SLC60A2: variants seen among roughly 807,000 people sequenced by gnomAD.
SLC60A2 encodes the protein major facilitator superfamily domain containing 4B.
the SLC60A2 span, chr6:111,265,267 GAAAA>G: frequency 5.1e-6 from 5 of 975,728 alleles, no homozygotes; most frequent in Non-Finnish European, 6.1e-6. Context: ...AATATCTGTT[GAAAA>G]AAAAGAAGAT....
At chr6:111,263,691 T>A in the SLC60A2 span, 2 of 542,724 alleles carry the variant, frequency 3.7e-6, no homozygotes, top group Non-Finnish European at 6.6e-6. Context: ...AAATAATCAC[T>A]TTTAGAAGCA....
chr6:111,277,973 C>G, the SLC60A2 span: 5 of 152,154 alleles, frequency 3.3e-5, no homozygotes, highest in Admixed American at 3.3e-4. Context: ...GTTCTCATTT[C>G]TCAGCTCTTT....
chr6:111,267,091 A>G, the SLC60A2 span: 7 of 1,611,920 alleles, frequency 4.3e-6, no homozygotes, highest in Non-Finnish European at 5.9e-6. Flanking sequence ...CACTTGCCAG[A>G]AACCAGGACA....
At chr6:111,266,339 T>TG in the SLC60A2 span, 6 of 1,614,134 alleles carry the variant, frequency 3.7e-6, no homozygotes, top group East Asian at 1.1e-4. Flanking sequence ...CAACCACCCA[T>TG]GCTGGCATGA....
At chr6:111,271,017 CAG>C in the SLC60A2 span, 61,926 of 151,192 alleles carry the variant, frequency 0.41, 15,113 homozygotes, top group Non-Finnish European at 0.55. Context: ...TGAGTTATCG[CAG>C]AGTTATGCCT....
At chr6:111,261,942 A>C in the SLC60A2 span, among the ~76,000 whole-genome samples, 2 of 152,186 alleles carry the variant, frequency 1.3e-5, no homozygotes. Flanking sequence ...AATATATTTC[A>C]AAATGTACGA....
the SLC60A2 span, among the ~76,000 whole-genome samples, chr6:111,264,155 T>C: frequency 2.0e-5 from 3 of 152,334 alleles, no homozygotes; most frequent in Middle Eastern, 3.4e-3. Flanking sequence ...GAAATGAACT[T>C]AAAGAATTTT....
At chr6:111,264,804 CCTA>C in the SLC60A2 span, among the ~76,000 whole-genome samples, 1 of 146,228 alleles carries the variant, frequency 6.8e-6, no homozygotes, top group South Asian at 2.2e-4. Context: ...AAAAAAAAAA[CCTA>C]CTAAATAACG....
chr6:111,263,820 A>G, the SLC60A2 span: 5 of 1,483,492 alleles, frequency 3.4e-6, no homozygotes, highest in South Asian at 1.1e-5. Flanking sequence ...CTGAGTTTCT[A>G]CCTTCCCAGG....
the SLC60A2 span, among the ~76,000 whole-genome samples, chr6:111,276,572 A>G: frequency 6.6e-6 from 1 of 152,224 alleles, no homozygotes; most frequent in South Asian, 2.1e-4. Flanking sequence ...TCATTGCACA[A>G]GTGCTTGAGG....
At chr6:111,275,952 C>T in the SLC60A2 span, among the ~76,000 whole-genome samples, 1 of 152,158 alleles carries the variant, frequency 6.6e-6, no homozygotes, top group Admixed American at 6.5e-5. Context: ...CCCATCCCAG[C>T]CCTTGTCAAC....
the SLC60A2 span, among the ~76,000 whole-genome samples, chr6:111,273,607 C>G: frequency 6.6e-6 from 1 of 151,230 alleles, no homozygotes. Flanking sequence ...GTCTGTTAGG[C>G]CCAGTTGGTC....
chr6:111,274,709 T>C, the SLC60A2 span, among the ~76,000 whole-genome samples: 1 of 152,226 alleles, frequency 6.6e-6, no homozygotes, highest in African/African-American at 2.4e-5. Context: ...TTTGTATGTT[T>C]TCATGATGGT....
chr6:111,272,787 C>T, the SLC60A2 span, among the ~76,000 whole-genome samples: 3 of 151,054 alleles, frequency 2.0e-5, no homozygotes, highest in Non-Finnish European at 4.4e-5. Flanking sequence ...TCTGGGATTA[C>T]AGGTGTGAGC....
the SLC60A2 span, chr6:111,262,109 C>T: frequency 1.9e-6 from 1 of 528,072 alleles, no homozygotes. Context: ...TTAGTCAAAA[C>T]TAAAAAAACA....
At chr6:111,267,108 A>G in the SLC60A2 span, 3 of 1,607,046 alleles carry the variant, frequency 1.9e-6, no homozygotes, top group Non-Finnish European at 1.7e-6. Flanking sequence ...GACAAAAGGG[A>G]CTAACGTTTA....
At chr6:111,260,711 G>A in the SLC60A2 span, among the ~76,000 whole-genome samples, 1 of 152,126 alleles carries the variant, frequency 6.6e-6, no homozygotes, top group Non-Finnish European at 1.5e-5. Flanking sequence ...CTGAGCCACA[G>A]TTGTTTCTTA....
the SLC60A2 span, among the ~76,000 whole-genome samples, chr6:111,264,402 A>G: frequency 7.5e-6 from 1 of 133,414 alleles, no homozygotes; most frequent in Non-Finnish European, 1.6e-5. Context: ...AGAGATCCAT[A>G]GTGTGGACTA....
the SLC60A2 span, chr6:111,270,195 T>C: frequency 6.6e-6 from 1 of 152,166 alleles, no homozygotes; most frequent in Non-Finnish European, 1.5e-5. Flanking sequence ...AAATGAGTCT[T>C]GTATGACATT....
Sources: gnomAD v4.1 joint callset for allele counts (sites outside exome capture counted in the v4.1 genomes callset) on GRCh38, gnomAD v4.1.1 for gene constraint, MANE v1.5 for transcripts, NCBI Gene and HGNC (gene_info 2026-07-23, HGNC 2026-07-21) for gene names.